DLC1: variants seen among roughly 807,000 people sequenced by gnomAD.
The protein encoded by DLC1 is rho GTPase-activating protein 7.
In DLC1, 54 loss-of-function variants were observed where a neutral mutation model predicts 140.3. The observed-to-expected ratio is 0.38, with a 90% confidence interval of 0.31 to 0.48. DLC1 has a LOEUF of 0.48. DLC1 is among the 20% of genes least tolerant of loss of function. DLC1 has a pLI of 0.96. For missense variants in DLC1, 2,536 were observed against 1,907.0 expected, an observed-to-expected ratio of 1.33 and a Z score of -6.14; for synonymous variants, 986 against 728.1, an observed-to-expected ratio of 1.35 and a Z score of -5.70.
At chr8:13,312,912 C>G (rs1352033112) in intron 4 of DLC1, among the ~76,000 whole-genome samples, 3 of 152,132 alleles carry the variant, frequency 2.0e-5, no homozygotes, top group South Asian at 2.1e-4. Flanking sequence ...AGATAATTAA[C>G]TTATTCAGAG....
chr8:13,209,983 G>A (rs1227393012), intron 5 of DLC1, among the ~76,000 whole-genome samples: 1 of 152,094 alleles, frequency 6.6e-6, no homozygotes, highest in Non-Finnish European at 1.5e-5. Flanking sequence ...GCAAGTCTAG[G>A]CAATAAGCTA....
chr8:13,316,726 C>T (rs142220915), intron 4 of DLC1, among the ~76,000 whole-genome samples: 14 of 152,240 alleles, frequency 9.2e-5, no homozygotes, highest in Admixed American at 2.6e-4. Context: ...AGATTTTCTC[C>T]TCTCTGGGTT....
chr8:13,345,324 G>C (rs1010130541), intron 4 of DLC1, among the ~76,000 whole-genome samples: 2 of 151,960 alleles, frequency 1.3e-5, no homozygotes, highest in East Asian at 3.9e-4. Flanking sequence ...GAAGAGAGTC[G>C]ATTCAATTCC....
rs796699579 is a variant in DLC1, at chr8:13,561,333, G to T, written c.-126+43204C>A. Among the ~76,000 whole-genome samples, 9 of 151,952 alleles carry T rather than the reference G, an allele frequency of 5.9e-5. No homozygotes were observed. In the East Asian group the frequency reaches 1.7e-3, roughly 29 times the overall value. On this transcript the variant is annotated intron_variant, in intron 1 of 1. Coordinates refer to the DLC1 transcript ENST00000631382. ...CCTGGTGCAACTGCAGCCACACCTA[G>T]CTAAGTTTTTCATTTTGTAGAAACA... is the stretch of plus-strand genomic sequence containing the variant.
intron 2 of DLC1, among the ~76,000 whole-genome samples, chr8:13,435,895 C>T (rs1839100926): frequency 6.6e-6 from 1 of 152,160 alleles, no homozygotes; most frequent in Non-Finnish European, 1.5e-5. Context: ...AAGAAATTGC[C>T]ATGGCCATTC....
rs142669582 is a variant in DLC1 at position 13,495,548 on chromosome 8, A to G, written c.1023+3501T>C. 2.3e-3 allele frequency among the ~76,000 whole-genome samples: 356 copies of G among 152,198 alleles called. 4 individuals carry two copies. Among genetic ancestry groups the G allele is most frequent in the African/African-American group, 7.8e-3 (325 of 41,524 alleles). ...TCAATTTCATTATATATTTCATCCT[A>G]TTTAGAGGAATTATTGGCTTAAAAG... On this transcript the variant is annotated intron_variant, in intron 2 of 17. Transcript: ENST00000276297.
Position 13,508,649 on chromosome 8 carries a change from A to G in DLC1, c.-126+5953T>C, listed in dbSNP as rs569347959. Among the ~76,000 whole-genome samples the G allele has an allele frequency of 2.0e-5, 3 of 151,972 alleles. No individual in the cohort carries two copies. The South Asian group carries it at 6.2e-4, about 32-fold the overall frequency. On this transcript the variant is annotated intron_variant, in intron 1 of 17. Transcript: ENST00000276297. ...TAGCCAGGATGGTCTTGATCTCCTG[A>G]CCTCGTGATCTGCCCACCTCGGCCT...
Position 13,382,370 on chromosome 8 carries a change from G to A in DLC1, c.1314+11183C>T, listed in dbSNP as rs371941688. On this transcript the variant is annotated intron_variant, in intron 4 of 17. Transcript: ENST00000276297. Reference sequence around the variant, plus strand: ...AAAATACAAAAAATTAGCCGGGCGAGGTGGCGGGCGCCTGTAGTCCCAGCT... The same window carrying A: ...AAAATACAAAAAATTAGCCGGGCGAAGTGGCGGGCGCCTGTAGTCCCAGCT... 3.2e-4 allele frequency among the ~76,000 whole-genome samples: 49 copies of A among 151,126 alleles called. 1 individual carries two copies. The East Asian group carries it at 7.0e-3, about 22-fold the overall frequency.
intron 1 of DLC1, among the ~76,000 whole-genome samples, chr8:13,573,363 A>G (rs756948614): frequency 2.0e-5 from 3 of 152,176 alleles, no homozygotes; most frequent in African/African-American, 4.8e-5. Flanking sequence ...ATGAAAAGAG[A>G]CAGATTCTTT....
intron 5 of DLC1, among the ~76,000 whole-genome samples, chr8:13,139,195 A>G (rs1052329470): frequency 6.9e-6 from 1 of 144,338 alleles, no homozygotes; most frequent in Non-Finnish European, 1.5e-5. Context: ...GAGGCTGAGG[A>G]AGGAGGATTG....
chr8:13,255,224 G>A (rs1170839997), intron 5 of DLC1, among the ~76,000 whole-genome samples: 2 of 152,000 alleles, frequency 1.3e-5, no homozygotes, highest in Non-Finnish European at 2.9e-5. Context: ...GCCCACCTAG[G>A]CTTCCCAAAG....
intron 5 of DLC1, among the ~76,000 whole-genome samples, chr8:13,259,155 A>T (rs1830381008): frequency 6.6e-6 from 1 of 151,576 alleles, no homozygotes; most frequent in Non-Finnish European, 1.5e-5. Flanking sequence ...AAAAAAAAAA[A>T]AAAAGAGAAA....
intron 5 of DLC1, among the ~76,000 whole-genome samples, chr8:13,238,746 T>G (rs1585980144): frequency 6.6e-6 from 1 of 152,202 alleles, no homozygotes; most frequent in Admixed American, 6.5e-5. Context: ...TGGCCCTGGG[T>G]TACACAGTAA....
At chr8:13,514,031 G>A (rs1191669596) in intron 1 of DLC1, among the ~76,000 whole-genome samples, 1 of 150,974 alleles carries the variant, frequency 6.6e-6, no homozygotes, top group Non-Finnish European at 1.5e-5. Flanking sequence ...AATTTCACGT[G>A]TTTACTTTTT....
intron 5 of DLC1, among the ~76,000 whole-genome samples, chr8:13,125,793 C>A (rs951696127): frequency 2.0e-5 from 3 of 151,480 alleles, no homozygotes; most frequent in African/African-American, 7.3e-5. Context: ...ATACAGCTTT[C>A]TATTAAAGAA....
chr8:13,562,923 G>C (rs553577988), intron 1 of DLC1, among the ~76,000 whole-genome samples: 1 of 150,932 alleles, frequency 6.6e-6, no homozygotes, highest in East Asian at 1.9e-4. Flanking sequence ...AAAAAAAAAC[G>C]CCATAAAGCA....
intron 5 of DLC1, among the ~76,000 whole-genome samples, chr8:13,152,843 A>G (rs1585782673): frequency 6.6e-6 from 1 of 151,334 alleles, no homozygotes; most frequent in African/African-American, 2.4e-5. Context: ...AAAAAAAGCA[A>G]CCAACCATAA....
intron 4 of DLC1, chr8:13,340,716 T>A (rs1586165589): frequency 6.6e-6 from 1 of 152,272 alleles, no homozygotes; most frequent in Non-Finnish European, 1.5e-5. Flanking sequence ...ATTGTTGTTA[T>A]AAACTTCACA....
At position 13,174,749 on chromosome 8, in the gene DLC1, T is replaced by G. The variant is rs80193298; in HGVS notation, c.1349-59092A>C. On this transcript the variant is annotated intron_variant, in intron 5 of 17. Transcript: ENST00000276297. ...CTTGCTGACTTAAGTTCCTTATAGA[T>G]TCTGCATATTAGAACTTTGTCAGAT... 2.1e-4 allele frequency among the ~76,000 whole-genome samples: 32 copies of G among 152,350 alleles called. No homozygotes were observed. The East Asian group carries it at 4.2e-3, about 20-fold the overall frequency.
Sources: gnomAD v4.1 joint callset for allele counts (sites outside exome capture counted in the v4.1 genomes callset) on GRCh38, gnomAD v4.1.1 for gene constraint, MANE v1.5 for transcripts, NCBI Gene and HGNC (gene_info 2026-07-23, HGNC 2026-07-21) for gene names.